ST6GALNAC1: variants seen among roughly 807,000 people sequenced by gnomAD.
ST6GALNAC1 encodes the protein alpha-N-acetylgalactosaminide alpha-2,6-sialyltransferase 1.
Under a neutral mutation model 56.8 loss-of-function variants are expected in ST6GALNAC1, and 45 were observed. The ratio of observed to expected loss-of-function variants is 0.79; its 90% CI spans 0.62 to 1.02. ST6GALNAC1 has a LOEUF of 1.02. Ranked by LOEUF, ST6GALNAC1 falls within the 50% of genes least tolerant of loss-of-function variation. ST6GALNAC1 has a pLI of 0.00. For missense variants in ST6GALNAC1, 743 were observed against 754.8 expected, an observed-to-expected ratio of 0.98 and a Z score of 0.18; for synonymous variants, 295 against 297.8, an observed-to-expected ratio of 0.99 and a Z score of 0.10.
In ST6GALNAC1 at chr17:76,636,600, G is replaced by A. The variant is rs111938857; in HGVS notation, c.132-6889C>T. ...AGCCTGGATGGCAAAACGAGACTCC[G>A]TTTCAAAAAAAGAAAAGTCCTCCCG... On this transcript the variant is annotated intron_variant, in intron 1 of 8. Transcript: ENST00000156626. 7.5e-3 allele frequency among the ~76,000 whole-genome samples: 1,138 copies of A among 152,242 alleles called. 14 individuals carry two copies. Among genetic ancestry groups the A allele is most frequent in the African/African-American group, 0.026 (1,085 of 41,560 alleles).
chr17:76,619,501 G>A, the ST6GALNAC1 span, among the ~76,000 whole-genome samples: 1 of 151,992 alleles, frequency 6.6e-6, no homozygotes, highest in East Asian at 1.9e-4. Context: ...TTCCATAATT[G>A]TAACTTTTTT....
chr17:76,638,896 GTTC>G (rs1408577903), intron 1 of ST6GALNAC1, among the ~76,000 whole-genome samples: 1 of 152,022 alleles, frequency 6.6e-6, no homozygotes, highest in African/African-American at 2.4e-5. Context: ...TTGTCTTGAA[GTTC>G]TTCTGCTACA....
rs185125234 is a variant in ST6GALNAC1 at position 76,643,050 on chromosome 17, G to C, written c.131+458C>G. 7.8e-4 allele frequency among the ~76,000 whole-genome samples: 119 copies of C among 152,296 alleles called. 2 individuals are homozygous for C. Among genetic ancestry groups the C allele is most frequent in the Non-Finnish European group, 2.6e-4 (18 of 68,026 alleles). On this transcript the variant is annotated intron_variant, in intron 1 of 8. Transcript: ENST00000156626. ...CACAATTGAAACTGCATCCCTAAGA[G>C]GGAGGCTCTCCATTTTAACTGACAA...
rs1244199140 is a variant in ST6GALNAC1 at position 76,624,830 on chromosome 17, A to C, written c.*500T>G. 6.4e-6 allele frequency: 1 copy of C among 155,392 alleles called. No homozygotes were observed. The highest frequency in any genetic ancestry group is 1.4e-5 in the Non-Finnish European group (1 of 70,158). 9.6% of individuals were successfully genotyped at this position (155,392 alleles called of 1,614,324 possible). Reference sequence around the variant, plus strand: ...ATTTGTATTATTATCAGTTTTCTACAACACGTAGAGTTGTCAAATAGCTTA... The same window carrying C: ...ATTTGTATTATTATCAGTTTTCTACCACACGTAGAGTTGTCAAATAGCTTA... On this transcript the variant is annotated 3_prime_UTR_variant, in exon 9 of 9. Transcript: ENST00000156626.
rs903487566 is a variant in ST6GALNAC1, at chr17:76,643,696, A to T, written c.-58T>A. ...CATGTCCTGGGGCCTTGATGTAGGC[A>T]GCTGGGAGTCTCACCGCTCAGGTTT... On this transcript the variant is annotated 5_prime_UTR_variant, in exon 1 of 9. Coordinates refer to ENST00000156626, the MANE Select transcript of ST6GALNAC1 (RefSeq NM_018414.5). 1.0e-5 allele frequency: 16 copies of T among 1,578,182 alleles called. No homozygotes were observed. Among genetic ancestry groups the T allele is most frequent in the Non-Finnish European group, 1.4e-5 (16 of 1,155,502 alleles).
downstream of ST6GALNAC1, among the ~76,000 whole-genome samples, chr17:76,622,753 G>A (rs1440478854): frequency 6.6e-6 from 1 of 150,866 alleles, no homozygotes; most frequent in Non-Finnish European, 1.5e-5. Context: ...TTACGTTCTA[G>A]TCAAAGAGCT....
chr17:76,635,008 G>A (rs1361612408), intron 1 of ST6GALNAC1, among the ~76,000 whole-genome samples: 3 of 152,208 alleles, frequency 2.0e-5, no homozygotes, highest in South Asian at 2.1e-4. Flanking sequence ...GTGTCTATAC[G>A]CTGCTTCCAT....
chr17:76,626,252 G>T (rs781623571), intron 6 of ST6GALNAC1, 37 bp downstream of exon 6: 5 of 1,604,470 alleles, frequency 3.1e-6, no homozygotes, highest in Non-Finnish European at 4.3e-6. Flanking sequence ...ACATGGCTCA[G>T]CCTGGGATAA....
In ST6GALNAC1 at chr17:76,629,155, T is replaced by G. The variant is rs2143435487; in HGVS notation, c.688A>C (p.Lys230Gln). 1.9e-6 allele frequency: 3 copies of G among 1,614,052 alleles called. No individual in the cohort carries two copies. The highest frequency in any genetic ancestry group is 2.5e-6 in the Non-Finnish European group (3 of 1,179,984). ...GCAGGGGGTGGGGTGGCCTGAGGTT[T>G]CTTCTCCTTAGGTGGGATGACTGCT... ...TTAVIPPKEK[K>Q]PQATPPPAPF... The change falls in exon 2 of 9, where the codon AAA becomes CAA. Residue 230 changes from lysine (K) to glutamine (Q), a missense_variant. Physicochemically the swap from Lys to Gln is moderately conservative, Grantham distance 53. Transcript: ENST00000156626.
rs1324513441 is a variant in ST6GALNAC1, at chr17:76,643,573, A to T, written c.66T>A (p.Ala22=). 2 of 1,614,186 alleles carry T rather than the reference A, an allele frequency of 1.2e-6. No individual in the cohort carries two copies. The highest frequency in any genetic ancestry group is 3.3e-5 in the Admixed American group (2 of 60,026). Residue 22 remains alanine, a synonymous_variant, in exon 1 of 9, where the codon GCT becomes GCA. Coordinates refer to ENST00000156626, the MANE Select transcript of ST6GALNAC1 (RefSeq NM_018414.5). ...SQGVQWSLLL[A]VLVFFLFALP... ...AGGCGAAGAGAAAGAAGACCAGGAC[A>T]GCCAGAAGCAAGGACCACTGGACGC...
downstream of ST6GALNAC1, among the ~76,000 whole-genome samples, chr17:76,623,934 A>T (rs900716419): frequency 9.2e-5 from 14 of 152,170 alleles, no homozygotes; most frequent in African/African-American, 3.4e-4. Context: ...CTCTGACCTG[A>T]TGTGATGTCC....
At chr17:76,642,244 C>CTATCT (rs1555636663) in intron 1 of ST6GALNAC1, among the ~76,000 whole-genome samples, 2 of 106,352 alleles carry the variant, frequency 1.9e-5, no homozygotes, top group Non-Finnish European at 3.6e-5. Context: ...ATCTATCTAT[C>CTATCT]ATCTATCTAT....
At chr17:76,622,217 T>C (rs900496363), downstream of ST6GALNAC1, among the ~76,000 whole-genome samples, 2 of 149,716 alleles carry the variant, frequency 1.3e-5, no homozygotes, top group African/African-American at 4.9e-5. Context: ...TATTTTTCTA[T>C]TAGGTTTTTG....
rs747025893 is a variant in ST6GALNAC1 at position 76,627,634 on chromosome 17, G to A, written c.832-51C>T. 17 of 1,571,582 alleles carry A rather than the reference G, an allele frequency of 1.1e-5. No individual in the cohort carries two copies. The highest frequency in any genetic ancestry group is 1.7e-5 in the Admixed American group (1 of 58,308). ...AAGGGAGAGACCCAGAAAGGCCATC[G>A]GCCAGGGGCTGCACCACTGCAGCAA... is the stretch of plus-strand genomic sequence containing the variant. On this transcript the variant is annotated intron_variant, in intron 2 of 8. Coordinates refer to ENST00000156626, the MANE Select transcript of ST6GALNAC1 (RefSeq NM_018414.5). This position sits in a 1 kb window ranked among gnomAD's most constrained non-coding sequence, Gnocchi z 4.4.
Position 76,629,502 on chromosome 17 carries a change from T to C in ST6GALNAC1, c.341A>G (p.Lys114Arg). ...ANQAPPEEQD[K>R]VPHTAQRAAW... ...TGCCCTCTGTGCTGTGTGGGGCACCTTGTCCTGCTCCTCCGGCGGTGCCTG... is the reference window on the plus strand; with the variant it reads ...TGCCCTCTGTGCTGTGTGGGGCACCCTGTCCTGCTCCTCCGGCGGTGCCTG... Residue 114 changes from lysine to arginine, a missense_variant, in exon 2 of 9, where the codon AAG (lysine) becomes AGG (arginine). By Grantham distance (26) the Lys-to-Arg change is conservative (BLOSUM62 2). Transcript: ENST00000156626. 1 of 1,614,084 alleles carries C rather than the reference T, an allele frequency of 6.2e-7. No individual in the cohort carries two copies. The highest frequency in any genetic ancestry group is 8.5e-7 in the Non-Finnish European group (1 of 1,180,018).
chr17:76,625,789 G>C (rs967390171), intron 8 of ST6GALNAC1, 30 bp downstream of exon 8: 8 of 1,488,038 alleles, frequency 5.4e-6, no homozygotes, highest in Non-Finnish European at 7.2e-6. Flanking sequence ...TGTTTCTCCA[G>C]GTATTTCTGC....
intron 4 of ST6GALNAC1, 67 bp downstream of exon 4, chr17:76,627,000 G>A: frequency 6.7e-7 from 1 of 1,492,148 alleles, no homozygotes; most frequent in Middle Eastern, 2.2e-4. Context: ...GGCAAGAGAG[G>A]GGCTGGAGGG....
In ST6GALNAC1 at chr17:76,629,372, C is replaced by T. The variant is rs763963088; in HGVS notation, c.471G>A (p.Lys157=). 2 of 1,614,194 alleles carry T rather than the reference C, an allele frequency of 1.2e-6. No homozygotes were observed. The highest frequency in any genetic ancestry group is 1.7e-5 in the Admixed American group (1 of 60,030). Residue 157 remains lysine (K), a synonymous_variant, in exon 2 of 9, where the codon AAG becomes AAA. Coordinates refer to ENST00000156626, the MANE Select transcript of ST6GALNAC1 (RefSeq NM_018414.5). ...ASGRTEAQSW[K]SQDTKTTQGN... ...CTTGGGTCGTCTTTGTGTCCTGGCTCTTCCATGATTGTGCCTCTGTCCTGC... is the reference window on the plus strand; with the variant it reads ...CTTGGGTCGTCTTTGTGTCCTGGCTTTTCCATGATTGTGCCTCTGTCCTGC...
At chr17:76,642,733 C>A (rs1383361379) in intron 1 of ST6GALNAC1, among the ~76,000 whole-genome samples, 3 of 152,090 alleles carry the variant, frequency 2.0e-5, no homozygotes, top group African/African-American at 7.2e-5. Flanking sequence ...GAGTTCAAGA[C>A]CAGCCTGGCC....
Sources: gnomAD v4.1 joint callset for allele counts (sites outside exome capture counted in the v4.1 genomes callset) on GRCh38, gnomAD v4.1.1 for gene constraint, Gnocchi (gnomAD v3.1) non-coding constraint, MANE v1.5 for transcripts, NCBI Gene and HGNC (gene_info 2026-07-23, HGNC 2026-07-21) for gene names.